Variants in CREB5 observed in about 807,000 individuals in gnomAD.
CREB5 encodes cAMP responsive element binding protein 5.
A neutral mutation model predicts 57.1 loss-of-function variants in CREB5; 19 were observed. The observed-to-expected ratio is 0.33, with a 90% CI of 0.23 to 0.49. CREB5 has a LOEUF of 0.49. Ranked by LOEUF, CREB5 falls within the 20% of genes least tolerant of loss-of-function variation. The pLI is 0.99. For missense variants in CREB5, 579 were observed against 671.6 expected, an observed-to-expected ratio of 0.86 and a Z score of 1.52; for synonymous variants, 238 against 238.3, an observed-to-expected ratio of 1.00 and a Z score of 0.01.
At chr7:28,436,035 C>T (rs1010835055) in intron 1 of CREB5, among the ~76,000 whole-genome samples, 2 of 152,164 alleles carry the variant, frequency 1.3e-5, no homozygotes, top group Non-Finnish European at 2.9e-5. Flanking sequence ...TTTCAAAGAC[C>T]TTTTGAAAAC....
chr7:28,817,768 C>G (rs923623924), intron 9 of CREB5, among the ~76,000 whole-genome samples: 1 of 152,224 alleles, frequency 6.6e-6, no homozygotes, highest in African/African-American at 2.4e-5. Context: ...TAGGGTCACA[C>G]AGTCAGTGTG....
chr7:28,668,065 A>G (rs1435005208), intron 5 of CREB5, among the ~76,000 whole-genome samples: 1 of 152,130 alleles, frequency 6.6e-6, no homozygotes, highest in Admixed American at 6.5e-5. Context: ...AAAATCACAC[A>G]TTTTCATAAA....
At chr7:28,534,604 A>T (rs1793877647) in intron 4 of CREB5, among the ~76,000 whole-genome samples, 1 of 152,170 alleles carries the variant, frequency 6.6e-6, no homozygotes, top group African/African-American at 2.4e-5. Flanking sequence ...GAGAATTTTC[A>T]AACAGGAGTC....
At position 28,658,964 on chromosome 7, in the gene CREB5, T is replaced by C. The variant is rs560749308; in HGVS notation, c.465-59789T>C. On this transcript the variant is annotated intron_variant, in intron 5 of 10. Coordinates refer to ENST00000357727, the MANE Select transcript of CREB5 (RefSeq NM_182898.4). ...ATATGTGTGTGTGTGTATATATATA[T>C]ATATATATATATATATGTATATATA... Among the ~76,000 whole-genome samples, 30 of 139,026 alleles carry C rather than the reference T, an allele frequency of 2.2e-4. 2 individuals carry two copies. Among genetic ancestry groups the C allele is most frequent in the African/African-American group, 7.4e-4 (29 of 39,228 alleles). The allele number at this position is 139,026 out of a possible 152,430, so 91.2% of individuals were successfully genotyped here. A position where few individuals can be genotyped will look rare whatever the true frequency, so the allele number is the denominator to read the frequency against.
chr7:28,632,679 A>G (rs1181381180), intron 5 of CREB5, among the ~76,000 whole-genome samples: 2 of 152,176 alleles, frequency 1.3e-5, no homozygotes, highest in African/African-American at 2.4e-5. Context: ...TGTTTCTTAT[A>G]GGAGATGTAG....
chr7:28,761,001 T>A (rs1805610111), intron 7 of CREB5, among the ~76,000 whole-genome samples: 2 of 152,320 alleles, frequency 1.3e-5, no homozygotes, highest in South Asian at 4.1e-4. Context: ...TATAGGAGGC[T>A]CATGTTACAG....
At chr7:28,655,095 G>C (rs1799284948) in intron 5 of CREB5, among the ~76,000 whole-genome samples, 1 of 151,792 alleles carries the variant, frequency 6.6e-6, no homozygotes, top group African/African-American at 2.4e-5. Flanking sequence ...TAGAGATGAG[G>C]TTTCACCATG....
At position 28,583,393 on chromosome 7, in the gene CREB5, A is replaced by T. The variant is rs116540528; in HGVS notation, c.464+12856A>T. ...TGGCTTCTGAGGTGATAGGTGATTG[A>T]GGGGAGAATAAAACATGAAATAACT... On this transcript the variant is annotated intron_variant, in intron 5 of 10. Transcript: ENST00000357727. Among the ~76,000 whole-genome samples, 375 of 152,296 alleles carry T rather than the reference A, an allele frequency of 2.5e-3. 1 individual carries two copies. Among genetic ancestry groups the T allele is most frequent in the African/African-American group, 8.4e-3 (350 of 41,576 alleles).
At chr7:28,561,232 C>T (rs1415933008) in intron 4 of CREB5, among the ~76,000 whole-genome samples, 1 of 152,014 alleles carries the variant, frequency 6.6e-6, no homozygotes, top group Non-Finnish European at 1.5e-5. Context: ...TGTATTAGGC[C>T]CTGAGGACAA....
chr7:28,699,296 G>A (rs1801729015), intron 5 of CREB5, among the ~76,000 whole-genome samples: 2 of 151,832 alleles, frequency 1.3e-5, no homozygotes, highest in Non-Finnish European at 2.9e-5. Context: ...AAAGAAACTA[G>A]GAGATAACAA....
intron 7 of CREB5, 91 bp downstream of exon 7, chr7:28,724,423 G>T: frequency 9.5e-7 from 1 of 1,053,388 alleles, no homozygotes; most frequent in South Asian, 1.4e-5. Flanking sequence ...CAGCTAGGTA[G>T]AGGGCTCCAT....
intron 7 of CREB5, among the ~76,000 whole-genome samples, chr7:28,786,731 T>C (rs1046292207): frequency 1.3e-5 from 2 of 152,118 alleles, no homozygotes; most frequent in African/African-American, 4.8e-5. Context: ...TGGATTTTGG[T>C]TGATTGTTTG....
At chr7:28,597,830 A>G (rs1231722748) in intron 5 of CREB5, among the ~76,000 whole-genome samples, 3 of 152,320 alleles carry the variant, frequency 2.0e-5, no homozygotes, top group African/African-American at 7.2e-5. Flanking sequence ...ACAAAACAGG[A>G]GTAGAGGAAC....
intron 1 of CREB5, among the ~76,000 whole-genome samples, chr7:28,310,208 G>A (rs1785252281): frequency 6.6e-6 from 1 of 152,148 alleles, no homozygotes; most frequent in Non-Finnish European, 1.5e-5. Context: ...TGGGGGGTGA[G>A]GCTGCAGAGA....
chr7:28,445,835 G>T (rs1213188619), intron 1 of CREB5, among the ~76,000 whole-genome samples: 3 of 152,156 alleles, frequency 2.0e-5, no homozygotes, highest in African/African-American at 2.4e-5. Flanking sequence ...ACAGGCGTGA[G>T]CCACTGCGCC....
intron 5 of CREB5, among the ~76,000 whole-genome samples, chr7:28,583,970 G>A (rs923945363): frequency 2.0e-5 from 3 of 152,078 alleles, no homozygotes; most frequent in Non-Finnish European, 4.4e-5. Context: ...GAGCCACCGC[G>A]CTGGGCACAG....
intron 4 of CREB5, among the ~76,000 whole-genome samples, chr7:28,558,415 G>A (rs1468074543): frequency 6.6e-6 from 1 of 152,240 alleles, no homozygotes; most frequent in Non-Finnish European, 1.5e-5. Context: ...TTCATGAAGA[G>A]CTACCTGACA....
intron 5 of CREB5, among the ~76,000 whole-genome samples, chr7:28,678,072 A>G (rs1423732737): frequency 6.6e-6 from 1 of 152,244 alleles, no homozygotes; most frequent in Non-Finnish European, 1.5e-5. Context: ...GGACATCATA[A>G]TATCTACTTT....
intron 4 of CREB5, among the ~76,000 whole-genome samples, chr7:28,538,937 A>G (rs115387588): frequency 0.014 from 2,124 of 152,288 alleles, 72 homozygotes; most frequent in African/African-American, 0.048. Flanking sequence ...GCTTAATTCC[A>G]TTGTGATCAG....
Sources: allele counts gnomAD v4.1 joint callset (sites outside exome capture counted in the v4.1 genomes callset), GRCh38; gene constraint gnomAD v4.1.1; transcripts MANE v1.5; gene names NCBI Gene and HGNC (gene_info 2026-07-23, HGNC 2026-07-21).